Variants in PKHD1 observed in about 807,000 individuals in gnomAD.
The protein encoded by PKHD1 is fibrocystin.
PKHD1 carries 291 observed loss-of-function variants against 412.0 expected under a neutral mutation model. The ratio of observed to expected loss-of-function variants is 0.71; its 90% confidence interval spans 0.64 to 0.78. The LOEUF (loss-of-function observed/expected upper bound fraction) is 0.78, where lower values mean the gene tolerates loss of function less well. PKHD1 is among the 30% of genes least tolerant of loss of function. The probability of loss-of-function intolerance (pLI) is 0.00; values close to 1 mark genes in which losing one functional copy is unlikely to be tolerated. For synonymous variants in PKHD1, 1,777 were observed against 1,821.5 expected (o/e 0.98, Z 0.62); for missense variants, 4,825 against 4,950.7 (o/e 0.97, Z 0.76).
intron 60 of PKHD1, among the ~76,000 whole-genome samples, chr6:51,685,104 T>C (rs1046455319): frequency 1.2e-4 from 18 of 152,234 alleles, no homozygotes; most frequent in African/African-American, 4.1e-4. Flanking sequence ...CTTTCAAGAA[T>C]AGTTTTCTGG....
chr6:51,618,845 C>A lies in PKHD1; in HGVS notation c.*236G>T. 1 of 562,904 alleles carries A rather than the reference C, an allele frequency of 1.8e-6. No homozygotes were observed. Among genetic ancestry groups the A allele is most frequent in the Non-Finnish European group, 3.2e-6 (1 of 315,228 alleles). 34.9% of individuals were successfully genotyped at this position (562,904 alleles called of 1,614,324 possible). ...AAACTGGTAAATAATTAACAAGTGC[C>A]ATTATTTGCCTAGCATTGAACTAGG... is the stretch of plus-strand genomic sequence containing the variant. On this transcript the variant is annotated 3_prime_UTR_variant, in exon 67 of 67. Coordinates refer to ENST00000371117, the MANE Select transcript of PKHD1 (RefSeq NM_138694.4).
intron 35 of PKHD1, among the ~76,000 whole-genome samples, chr6:51,971,674 T>G (rs1037895662): frequency 1.3e-5 from 2 of 151,410 alleles, no homozygotes; most frequent in Non-Finnish European, 2.9e-5. Flanking sequence ...GATAACGAAG[T>G]TTTTTGTTTG....
At chr6:51,906,683 T>C (rs1213323353) in intron 40 of PKHD1, among the ~76,000 whole-genome samples, 1 of 152,088 alleles carries the variant, frequency 6.6e-6, no homozygotes, top group Non-Finnish European at 1.5e-5. Context: ...AGATGAGAAG[T>C]TAAGGATAAC....
intron 52 of PKHD1, among the ~76,000 whole-genome samples, chr6:51,797,604 A>G (rs927523456): frequency 6.6e-6 from 1 of 152,144 alleles, no homozygotes; most frequent in Non-Finnish European, 1.5e-5. Flanking sequence ...CCATTTTGTC[A>G]GAAACTAGGA....
chr6:52,016,954 C>T (rs546081581), intron 34 of PKHD1, among the ~76,000 whole-genome samples: 57 of 152,266 alleles, frequency 3.7e-4, no homozygotes, highest in African/African-American at 1.3e-3. Flanking sequence ...ACAGTAATTC[C>T]GCCTATGCAA....
At chr6:51,993,567 G>A (rs1025196725) in intron 35 of PKHD1, among the ~76,000 whole-genome samples, 2 of 152,188 alleles carry the variant, frequency 1.3e-5, no homozygotes, top group African/African-American at 4.8e-5. Flanking sequence ...AGTTAATAGA[G>A]TAAGTTAGAA....
intron 52 of PKHD1, among the ~76,000 whole-genome samples, chr6:51,824,177 CTA>C (rs1415490646): frequency 1.3e-5 from 2 of 151,998 alleles, no homozygotes; most frequent in Non-Finnish European, 2.9e-5. Context: ...ATCAACAATT[CTA>C]TGTGTCTATA....
intron 61 of PKHD1, among the ~76,000 whole-genome samples, chr6:51,656,071 A>G (rs1191929798): frequency 6.6e-6 from 1 of 152,216 alleles, no homozygotes; most frequent in African/African-American, 2.4e-5. Flanking sequence ...TATTCACAAT[A>G]GCAAAGACTT....
chr6:52,033,060 T>G lies in PKHD1; in HGVS notation c.3334A>C (p.Thr1112Pro). Residue 1112 changes from threonine (T) to proline (P), a missense_variant, in exon 29 of 67, where the codon ACT becomes CCT. Physicochemically the swap from Thr to Pro is conservative, Grantham distance 38. Coordinates refer to ENST00000371117, the MANE Select transcript of PKHD1 (RefSeq NM_138694.4). Reference protein sequence around the residue: ...YVSSLNPVIVTLSRNISNIAG... With the variant: ...YVSSLNPVIVPLSRNISNIAG... The stretch of plus-strand genomic sequence containing the variant: ...ATATTGCTTATGTTTCTGCTCAGAG[T>G]CACAATAACTGGATTTAAGGAAGAG... 1.9e-6 allele frequency: 3 copies of G among 1,612,420 alleles called. No homozygotes were observed. Among genetic ancestry groups the G allele is most frequent in the Non-Finnish European group, 2.5e-6 (3 of 1,178,620 alleles).
At chr6:51,844,606 T>C (rs1326608) in intron 50 of PKHD1, among the ~76,000 whole-genome samples, 61,650 of 151,882 alleles carry the variant, frequency 0.41, 13,719 homozygotes, top group East Asian at 0.86. Context: ...TCAGCTGGGT[T>C]GAAGATGAGT....
chr6:51,921,441 T>C (rs1202755077), intron 37 of PKHD1, among the ~76,000 whole-genome samples: 1 of 152,192 alleles, frequency 6.6e-6, no homozygotes, highest in African/African-American at 2.4e-5. Context: ...CTTTGTGGCA[T>C]TCTCTGTATT....
At chr6:52,027,090 T>C (rs544629970) in intron 31 of PKHD1, among the ~76,000 whole-genome samples, 1 of 152,344 alleles carries the variant, frequency 6.6e-6, no homozygotes, top group East Asian at 1.9e-4. Context: ...GTCTCTCTCA[T>C]GGAAAGTGAA....
chr6:51,788,067 A>C (rs1793163505), intron 53 of PKHD1, among the ~76,000 whole-genome samples: 2 of 152,196 alleles, frequency 1.3e-5, no homozygotes, highest in South Asian at 4.1e-4. Context: ...TGAAATAATT[A>C]AATGAAGGGA....
At chr6:51,976,634 T>C (rs1413204639) in intron 35 of PKHD1, among the ~76,000 whole-genome samples, 2 of 152,226 alleles carry the variant, frequency 1.3e-5, no homozygotes, top group African/African-American at 4.8e-5. Context: ...AATTTTATGT[T>C]GCGCATATTT....
chr6:51,815,463 G>A (rs1765298973), intron 52 of PKHD1, among the ~76,000 whole-genome samples: 1 of 152,128 alleles, frequency 6.6e-6, no homozygotes, highest in South Asian at 2.1e-4. Context: ...AGAGGTTTAG[G>A]GTGGGGAGGG....
chr6:51,874,868 G>A (rs1776598023), intron 46 of PKHD1, among the ~76,000 whole-genome samples: 1 of 102,108 alleles, frequency 9.8e-6, no homozygotes, highest in Non-Finnish European at 1.9e-5. Flanking sequence ...CATCTCACTA[G>A]GGAGTGCCAG....
intron 35 of PKHD1, among the ~76,000 whole-genome samples, chr6:52,004,980 C>CT (rs1348107020): frequency 6.6e-6 from 1 of 152,116 alleles, no homozygotes; most frequent in Admixed American, 6.5e-5. Flanking sequence ...TCTAGAGTTC[C>CT]TTTTTTGCAC....
intron 60 of PKHD1, chr6:51,721,254 C>G: frequency 1.1e-6 from 1 of 948,216 alleles, no homozygotes; most frequent in Non-Finnish European, 1.3e-6. Flanking sequence ...CTTTACCACA[C>G]CAATATTCTT....
At chr6:52,083,148 A>C in intron 3 of PKHD1, 30 bp downstream of exon 3, 1 of 1,402,710 alleles carries the variant, frequency 7.1e-7, no homozygotes, top group Non-Finnish European at 1.0e-6. Flanking sequence ...AATACATAAG[A>C]AATGTGCACT....
Sources: allele counts gnomAD v4.1 joint callset (sites outside exome capture counted in the v4.1 genomes callset), GRCh38; gene constraint gnomAD v4.1.1; transcripts MANE v1.5; gene names NCBI Gene and HGNC (gene_info 2026-07-23, HGNC 2026-07-21).